GMNC: variants seen among roughly 807,000 people sequenced by gnomAD.
GMNC encodes geminin coiled-coil domain-containing protein 1.
In GMNC, 16 loss-of-function variants were observed where a neutral mutation model predicts 33.6. The ratio of observed to expected loss-of-function variants is 0.48; its 90% CI spans 0.32 to 0.72. GMNC has a LOEUF of 0.72. Ranked by LOEUF, GMNC falls within the 30% of genes least tolerant of loss-of-function variation. The pLI is 0.03. For synonymous variants in GMNC, 156 were observed against 147.3 expected (o/e 1.06, Z -0.43); for missense variants, 393 against 388.9 (o/e 1.01, Z -0.09).
At chr3:190,860,892 C>A in intron 1 of GMNC, 34 bp from the exon 2 acceptor site, 18 of 1,442,050 alleles carry the variant, frequency 1.2e-5, no homozygotes, top group South Asian at 4.2e-5. Flanking sequence ...GTGAGGGGTC[C>A]CAAAAGATGG....
intron 4 of GMNC, among the ~76,000 whole-genome samples, chr3:190,856,989 C>T (rs1737761397): frequency 6.6e-6 from 1 of 151,240 alleles, no homozygotes; most frequent in South Asian, 2.1e-4. Context: ...GTCTTCTATT[C>T]TCTGAACTGC....
chr3:190,855,211 GT>G lies in GMNC; in HGVS notation c.*83del. On this transcript the variant is annotated 3_prime_UTR_variant, in exon 5 of 5. Coordinates refer to ENST00000442080, the MANE Select transcript of GMNC (RefSeq NM_001146686.3). The stretch of plus-strand genomic sequence containing the variant: ...GGAGACAGTCTAAGCAACAGCTTCT[GT>G]GTTCCACATAGTCAAATTCAAGTGC... 1 of 1,352,448 alleles carries G rather than the reference GT, an allele frequency of 7.4e-7. No homozygotes were observed. The highest frequency in any genetic ancestry group is 1.5e-5 in the African/African-American group (1 of 68,344). 83.8% of individuals were successfully genotyped at this position (1,352,448 alleles called of 1,614,324 possible).
In GMNC at chr3:190,858,769, C is replaced by T. The variant is rs140839635; in HGVS notation, c.267+159G>A. Among the ~76,000 whole-genome samples the T allele has an allele frequency of 2.5e-3, 381 of 152,314 alleles. 5 individuals carry two copies. Among genetic ancestry groups the T allele is most frequent in the African/African-American group, 8.8e-3 (364 of 41,580 alleles). ...TCTTGCTTGTTTTTCTTTTCTCTGA[C>T]ATTGATCATCTAACTTTGATCTCTC... On this transcript the variant is annotated intron_variant, in intron 3 of 4. Transcript: ENST00000442080.
rs932609080 is a variant in GMNC, at chr3:190,855,566, T to C, written c.734A>G (p.Tyr245Cys). 2 of 1,551,524 alleles carry C rather than the reference T, an allele frequency of 1.3e-6. No homozygotes were observed. Among genetic ancestry groups the C allele is most frequent in the African/African-American group, 1.4e-5 (1 of 73,026 alleles). The change falls in exon 5 of 5, where the codon TAT becomes TGT. Residue 245 changes from tyrosine (Y) to cysteine (C), a missense_variant. Transcript: ENST00000442080. Reference sequence around the variant, plus strand: ...CAAGGGGGTTGTTCTGTCACCTCTATAGTCAATTGGCATATCCTCTCTGGG... The same window carrying C: ...CAAGGGGGTTGTTCTGTCACCTCTACAGTCAATTGGCATATCCTCTCTGGG... Reference protein sequence around the residue: ...NIPREDMPIDYRGDRTTPLHS... With the variant: ...NIPREDMPIDCRGDRTTPLHS...
At chr3:190,845,738 G>T in the GMNC span, among the ~76,000 whole-genome samples, 3,703 of 152,006 alleles carry the variant, frequency 0.024, 154 homozygotes, top group African/African-American at 0.085. Context: ...TGGAACTCCT[G>T]ACAAGTGATC....
At position 190,861,235 on chromosome 3, in the gene GMNC, G is replaced by A. The variant is rs2108534153; in HGVS notation, c.4-377C>T. ...TGATTCAAAACCATAAGAACTATTT[G>A]GTTCTTTCTGCAAATACCTTAATTA... On this transcript the variant is annotated intron_variant, in intron 1 of 4. Transcript: ENST00000442080. The surrounding 1 kb of genome is among the most constrained non-coding windows in gnomAD (Gnocchi z 5.1). Among the ~76,000 whole-genome samples the A allele has an allele frequency of 6.6e-6, 1 of 152,218 alleles. No homozygotes were observed. The highest frequency in any genetic ancestry group is 1.5e-5 in the Non-Finnish European group (1 of 68,006).
At chr3:190,850,522 G>A (rs1199684858), downstream of GMNC, among the ~76,000 whole-genome samples, 4 of 152,240 alleles carry the variant, frequency 2.6e-5, no homozygotes, top group Admixed American at 2.0e-4. Flanking sequence ...GTTTGCAGGA[G>A]TGAGGAGCCT....
At chr3:190,848,889 T>C (rs1304793632), downstream of GMNC, among the ~76,000 whole-genome samples, 1 of 152,214 alleles carries the variant, frequency 6.6e-6, no homozygotes, top group African/African-American at 2.4e-5. Flanking sequence ...TTGTTCATAA[T>C]ATCACTGCAC....
At position 190,862,362 on chromosome 3, in the gene GMNC, A is replaced by AAG. The variant is rs371567527; in HGVS notation, c.3+249_3+250dup. On this transcript the variant is annotated intron_variant, in intron 1 of 4. Coordinates refer to ENST00000442080, the MANE Select transcript of GMNC (RefSeq NM_001146686.3). The surrounding 1 kb of genome is among the most constrained non-coding windows in gnomAD (Gnocchi z 4.5). ...AAGTAAGGAAAGTAGTAATAACAGA[A>AAG]AGAGAGAGAGAGGGCGAGAGAGAGA... Among the ~76,000 whole-genome samples, 425 of 147,664 alleles carry AAG rather than the reference A, an allele frequency of 2.9e-3. 4 individuals carry two copies. The highest frequency in any genetic ancestry group is 2.5e-3 in the Non-Finnish European group (166 of 66,140).
chr3:190,860,558 G>T, intron 2 of GMNC, 126 bp downstream of exon 2: 1 of 754,240 alleles, frequency 1.3e-6, no homozygotes, highest in Non-Finnish European at 2.1e-6. Context: ...AAAATCAGGA[G>T]TCCTTGGGTT....
At position 190,855,817 on chromosome 3, in the gene GMNC, G is replaced by C. The variant is rs753288850; in HGVS notation, c.483C>G (p.Pro161=). The part of the protein sequence containing the change: ...KEQRYSPAEI[P]HPKNAKRNLS... ...GGTTTCTTTTGGCATTTTTGGGATGGGGAATCTCAGCAGGAGAGTATCTTT... is the reference window on the plus strand; with the variant it reads ...GGTTTCTTTTGGCATTTTTGGGATGCGGAATCTCAGCAGGAGAGTATCTTT... Residue 161 remains proline, a synonymous_variant, in exon 5 of 5, where the codon CCC becomes CCG. Coordinates refer to ENST00000442080, the MANE Select transcript of GMNC (RefSeq NM_001146686.3). The C allele has an allele frequency of 1.2e-5, 18 of 1,551,380 alleles. No individual in the cohort carries two copies. The African/African-American group carries it at 2.5e-4, about 21-fold the overall frequency.
rs1264326450 is a variant in GMNC, at chr3:190,853,847, T to C, written c.*1448A>G. Reference sequence around the variant, plus strand: ...CACTGAAAATATATTGTTTCAAATTTAGAAATATGAAGTCCTTGATAGCAA... The same window carrying C: ...CACTGAAAATATATTGTTTCAAATTCAGAAATATGAAGTCCTTGATAGCAA... On this transcript the variant is annotated 3_prime_UTR_variant, in exon 5 of 5. Transcript: ENST00000442080. 1 of 152,146 alleles carries C rather than the reference T, an allele frequency of 6.6e-6. No homozygotes were observed. Among genetic ancestry groups the C allele is most frequent in the Admixed American group, 6.5e-5 (1 of 15,268 alleles). 9.4% of individuals were successfully genotyped at this position (152,146 alleles called of 1,614,324 possible). A position where few individuals can be genotyped will look rare whatever the true frequency, so the allele number is the denominator to read the frequency against.
chr3:190,855,489 T>G lies in GMNC; in HGVS notation c.811A>C (p.Asn271His), dbSNP rs924418687. The G allele has an allele frequency of 5.2e-6, 8 of 1,551,702 alleles. No individual in the cohort carries two copies. In the South Asian group the frequency reaches 5.9e-5, roughly 12 times the overall value. The change falls in exon 5 of 5, where the codon AAT (asparagine) becomes CAT (histidine). Residue 271 changes from asparagine to histidine, a missense_variant. Transcript: ENST00000442080. Reference sequence around the variant, plus strand: ...AGAGTTTTCAGCCCCACTGGGGGATTTGAAAGTTGAGAAAGGATGTGGAAA... The same window carrying G: ...AGAGTTTTCAGCCCCACTGGGGGATGTGAAAGTTGAGAAAGGATGTGGAAA... ...EDFHILSQLS[N>H]PPVGLKTLPY...
intron 2 of GMNC, among the ~76,000 whole-genome samples, chr3:190,860,366 C>G (rs925527879): frequency 2.0e-5 from 3 of 152,178 alleles, no homozygotes; most frequent in Admixed American, 2.0e-4. Context: ...TATCCTCATT[C>G]CAAAGACATT....
downstream of GMNC, among the ~76,000 whole-genome samples, chr3:190,848,894 C>T (rs1737590918): frequency 6.6e-6 from 1 of 152,168 alleles, no homozygotes. Context: ...CATAATATCA[C>T]TGCACTGTAG....
chr3:190,850,589 T>A (rs1737617860), downstream of GMNC, among the ~76,000 whole-genome samples: 1 of 152,244 alleles, frequency 6.6e-6, no homozygotes, highest in Non-Finnish European at 1.5e-5. Flanking sequence ...GCAGGAAACC[T>A]GCCTGCAGGA....
chr3:190,849,450 C>T (rs1271847483), downstream of GMNC, among the ~76,000 whole-genome samples: 1 of 152,160 alleles, frequency 6.6e-6, no homozygotes, highest in East Asian at 1.9e-4. Flanking sequence ...TGTGTTTTGC[C>T]TTTTGCCTGA....
In GMNC at chr3:190,854,468, T is replaced by C. The variant is rs1737691137; in HGVS notation, c.*827A>G. 6.6e-6 allele frequency: 1 copy of C among 152,168 alleles called. No individual in the cohort carries two copies. The highest frequency in any genetic ancestry group is 1.5e-5 in the Non-Finnish European group (1 of 68,022). The allele number at this position is 152,168 out of a possible 1,614,324, so 9.4% of individuals were successfully genotyped here. A position where few individuals can be genotyped will look rare whatever the true frequency, so the allele number is the denominator to read the frequency against. On this transcript the variant is annotated 3_prime_UTR_variant, in exon 5 of 5. Transcript: ENST00000442080. ...ACAATGGCTGAGCTAGGTTAGTCTATTTTCAGCAATAGGAGTTTGTCAGCA... is the reference window on the plus strand; with the variant it reads ...ACAATGGCTGAGCTAGGTTAGTCTACTTTCAGCAATAGGAGTTTGTCAGCA...
downstream of GMNC, among the ~76,000 whole-genome samples, chr3:190,851,692 T>C (rs1737635744): frequency 6.6e-6 from 1 of 152,172 alleles, no homozygotes; most frequent in Admixed American, 6.5e-5. Context: ...AAAATTGACA[T>C]GCTTTTTTTT....
Sources: allele counts gnomAD v4.1 joint callset (sites outside exome capture counted in the v4.1 genomes callset), GRCh38; gene constraint gnomAD v4.1.1; non-coding constraint Gnocchi (gnomAD v3.1); transcripts MANE v1.5; gene names NCBI Gene and HGNC (gene_info 2026-07-23, HGNC 2026-07-21).